Variants in AGBL1 observed in about 807,000 individuals in gnomAD.
AGBL1 encodes cytosolic carboxypeptidase 4.
AGBL1 carries 130 observed loss-of-function variants against 118.9 expected under a neutral mutation model. The ratio of observed to expected loss-of-function variants is 1.09; its 90% CI spans 0.95 to 1.26. AGBL1 has a LOEUF of 1.26. Among genes scored for constraint, AGBL1 ranks in the 50% most tolerant of loss-of-function variants. AGBL1 has a pLI of 0.00. For synonymous variants in AGBL1, 555 were observed against 478.9 expected (o/e 1.16, Z -2.08); for missense variants, 1,584 against 1,298.1 (o/e 1.22, Z -3.38).
intron 22 of AGBL1, among the ~76,000 whole-genome samples, chr15:86,691,065 G>T (rs924947833): frequency 6.6e-6 from 1 of 151,428 alleles, no homozygotes; most frequent in Non-Finnish European, 1.5e-5. Flanking sequence ...TTTTTTCCTA[G>T]ACAATTTTCT....
At chr15:86,503,516 A>C (rs1411247814) in intron 18 of AGBL1, among the ~76,000 whole-genome samples, 2 of 151,120 alleles carry the variant, frequency 1.3e-5, no homozygotes, top group Non-Finnish European at 3.0e-5. Flanking sequence ...ATAAAAGGCT[A>C]GATTATTGAT....
At chr15:86,999,595 A>G (rs1421016499) in intron 24 of AGBL1, among the ~76,000 whole-genome samples, 1 of 149,456 alleles carries the variant, frequency 6.7e-6, no homozygotes, top group Non-Finnish European at 1.5e-5. Context: ...CATGGTGTAT[A>G]TGTGCCACAT....
intron 18 of AGBL1, among the ~76,000 whole-genome samples, chr15:86,422,441 TA>T (rs1286099848): frequency 6.6e-6 from 1 of 152,122 alleles, no homozygotes; most frequent in Non-Finnish European, 1.5e-5. Context: ...GAGACACAGC[TA>T]AAGCAGCGTT....
intron 24 of AGBL1, among the ~76,000 whole-genome samples, chr15:86,994,088 T>G (rs1393676662): frequency 6.6e-6 from 1 of 152,090 alleles, no homozygotes; most frequent in Non-Finnish European, 1.5e-5. Flanking sequence ...AGAACTCAAC[T>G]TCAGTCCTAT....
At chr15:86,884,404 C>T (rs2079940229) in intron 22 of AGBL1, among the ~76,000 whole-genome samples, 1 of 152,214 alleles carries the variant, frequency 6.6e-6, no homozygotes, top group Non-Finnish European at 1.5e-5. Context: ...TTTGTTTATT[C>T]CTGGAATTTT....
At chr15:86,288,715 G>A (rs1254097482) in intron 16 of AGBL1, among the ~76,000 whole-genome samples, 1 of 152,012 alleles carries the variant, frequency 6.6e-6, no homozygotes, top group Non-Finnish European at 1.5e-5. Context: ...AGTTTGACAT[G>A]TGTCTACAAA....
At chr15:86,328,713 C>T (rs1293674281) in intron 17 of AGBL1, among the ~76,000 whole-genome samples, 2 of 152,112 alleles carry the variant, frequency 1.3e-5, no homozygotes, top group Non-Finnish European at 2.9e-5. Flanking sequence ...CTCTGTGACT[C>T]ACCTTTCCAC....
chr15:86,460,244 G>A (rs1238501024), intron 18 of AGBL1, among the ~76,000 whole-genome samples: 3 of 149,214 alleles, frequency 2.0e-5, no homozygotes, highest in Admixed American at 6.7e-5. Context: ...CACTTTGGGA[G>A]GCTGCGGTGG....
At chr15:86,816,767 G>T (rs2078863325) in intron 22 of AGBL1, among the ~76,000 whole-genome samples, 1 of 152,100 alleles carries the variant, frequency 6.6e-6, no homozygotes, top group South Asian at 2.1e-4. Context: ...ACCAGAAGAG[G>T]TAAGTGGGTG....
At chr15:86,847,487 T>G (rs1293457433) in intron 22 of AGBL1, among the ~76,000 whole-genome samples, 3 of 152,258 alleles carry the variant, frequency 2.0e-5, no homozygotes, top group Non-Finnish European at 4.4e-5. Flanking sequence ...TTCCCCTTCA[T>G]AGGTGGCTGC....
intron 20 of AGBL1, among the ~76,000 whole-genome samples, chr15:86,549,956 T>C (rs756503521): frequency 1.3e-5 from 2 of 151,710 alleles, no homozygotes; most frequent in African/African-American, 2.4e-5. Flanking sequence ...ATAACCAACA[T>C]GAAAAATTCA....
intron 22 of AGBL1, among the ~76,000 whole-genome samples, chr15:86,756,096 A>G (rs2077935153): frequency 6.6e-6 from 1 of 152,118 alleles, no homozygotes; most frequent in Non-Finnish European, 1.5e-5. Context: ...AGTAGGGTCA[A>G]TTATAGGTTG....
intron 22 of AGBL1, among the ~76,000 whole-genome samples, chr15:86,770,686 G>T (rs1025033319): frequency 6.6e-6 from 1 of 151,942 alleles, no homozygotes; most frequent in African/African-American, 2.4e-5. Context: ...CCAAGTAGAT[G>T]TAGAGGGTAT....
intron 22 of AGBL1, among the ~76,000 whole-genome samples, chr15:86,753,550 A>C (rs766117533): frequency 2.6e-5 from 4 of 151,264 alleles, no homozygotes; most frequent in Non-Finnish European, 5.9e-5. Context: ...GACACCCACC[A>C]CCACACCCGG....
chr15:86,960,940 A>T (rs2080986697), intron 23 of AGBL1, among the ~76,000 whole-genome samples: 1 of 152,092 alleles, frequency 6.6e-6, no homozygotes, highest in Non-Finnish European at 1.5e-5. Flanking sequence ...AGGTTGGGGC[A>T]GATGGGGAGT....
At chr15:86,591,571 T>C (rs142772201) in intron 21 of AGBL1, among the ~76,000 whole-genome samples, 4 of 152,228 alleles carry the variant, frequency 2.6e-5, no homozygotes, top group African/African-American at 9.6e-5. Context: ...CAGTTTATTA[T>C]AAAAGATATT....
chr15:86,965,922 C>T (rs1336670592), intron 23 of AGBL1, among the ~76,000 whole-genome samples: 2 of 152,032 alleles, frequency 1.3e-5, no homozygotes, highest in Non-Finnish European at 2.9e-5. Flanking sequence ...TTGATGGTTG[C>T]AGCAAACTAC....
At chr15:86,824,760 A>T (rs117631646) in intron 22 of AGBL1, among the ~76,000 whole-genome samples, 2,421 of 152,226 alleles carry the variant, frequency 0.016, 36 homozygotes, top group Non-Finnish European at 0.022. Context: ...AGAACAGAAA[A>T]GAGAATTCAG....
chr15:86,735,602 C>CTGTGTGTGTGTGTG lies in AGBL1; in HGVS notation c.3158+61186_3158+61199dup, dbSNP rs35147328. Among the ~76,000 whole-genome samples the CTGTGTGTGTGTGTG allele has an allele frequency of 2.1e-4, 30 of 141,996 alleles. 1 individual carries two copies. Among genetic ancestry groups the CTGTGTGTGTGTGTG allele is most frequent in the African/African-American group, 8.0e-4 (30 of 37,362 alleles). The allele number at this position is 141,996 out of a possible 152,430, so 93.2% of individuals were successfully genotyped here. ...GTCTCTTTTGATATAGAGATACAGACTGTGTGTGTGTGTGTGTGTGTGTGT... is the reference window on the plus strand; with the variant it reads ...GTCTCTTTTGATATAGAGATACAGACTGTGTGTGTGTGTGTGTGTGTGTGTGTGTGTGTGTGTGT... On this transcript the variant is annotated intron_variant, in intron 22 of 22. Coordinates refer to ENST00000614907, the MANE Select transcript of AGBL1 (RefSeq NM_001386094.1).
Sources: gnomAD v4.1 joint callset for allele counts (sites outside exome capture counted in the v4.1 genomes callset) on GRCh38, gnomAD v4.1.1 for gene constraint, MANE v1.5 for transcripts, NCBI Gene and HGNC (gene_info 2026-07-23, HGNC 2026-07-21) for gene names.